PDCD2L: variants seen among roughly 807,000 people sequenced by gnomAD.
PDCD2L encodes the protein uS5 assembly chaperone PDCD2L.
Under a neutral mutation model 40.4 loss-of-function variants are expected in PDCD2L, and 44 were observed. The ratio of observed to expected loss-of-function variants is 1.09; its 90% confidence interval spans 0.86 to 1.40. The LOEUF (loss-of-function observed/expected upper bound fraction) is 1.40, where lower values mean the gene tolerates loss of function less well. Among genes scored for constraint, PDCD2L ranks in the 40% most tolerant of loss-of-function variants. The pLI, the probability that PDCD2L is intolerant of heterozygous loss-of-function variation, is 0.00. For missense variants in PDCD2L, 470 were observed against 453.7 expected, an observed-to-expected ratio of 1.04 and a Z score of -0.33; for synonymous variants, 194 against 174.6, an observed-to-expected ratio of 1.11 and a Z score of -0.88.
chr19:34,407,428 C>G (rs1289554169), intron 3 of PDCD2L, among the ~76,000 whole-genome samples: 2 of 152,134 alleles, frequency 1.3e-5, no homozygotes, highest in African/African-American at 4.8e-5. Flanking sequence ...CGTGAGCCAC[C>G]ACACCTGGCC....
intron 5 of PDCD2L, among the ~76,000 whole-genome samples, chr19:34,419,524 G>A (rs890655859): frequency 1.3e-5 from 2 of 148,236 alleles, no homozygotes; most frequent in African/African-American, 5.0e-5. Context: ...AAAGAGATGG[G>A]TGTCTCACTA....
Position 34,425,976 on chromosome 19 carries a change from G to T in PDCD2L, c.947-14G>T, listed in dbSNP as rs200405700. 6.2e-6 allele frequency: 10 copies of T among 1,608,198 alleles called. No individual in the cohort carries two copies. In the African/African-American group the frequency reaches 1.3e-4, roughly 22 times the overall value. On this transcript the variant is annotated splice_polypyrimidine_tract_variant and intron_variant, in intron 6 of 6. Coordinates refer to ENST00000246535, the MANE Select transcript of PDCD2L (RefSeq NM_032346.2). ...CTCTTTTTGCTGGAAGCCTGAATAT[G>T]TGGTATTTTTCAGGTCTTTCTGTGG...
At chr19:34,420,733 A>G (rs372048666) in intron 5 of PDCD2L, among the ~76,000 whole-genome samples, 24 of 151,800 alleles carry the variant, frequency 1.6e-4, no homozygotes, top group Middle Eastern at 3.4e-3. Flanking sequence ...TCAAGGCTGC[A>G]GTGAGCTGTG....
chr19:34,414,343 T>C (rs890556849), intron 5 of PDCD2L, among the ~76,000 whole-genome samples: 2 of 151,508 alleles, frequency 1.3e-5, no homozygotes, highest in Non-Finnish European at 2.9e-5. Flanking sequence ...GCCCAGCTGA[T>C]TTTTTTGTAT....
At chr19:34,419,990 A>G (rs1034388036) in intron 5 of PDCD2L, among the ~76,000 whole-genome samples, 4 of 151,238 alleles carry the variant, frequency 2.6e-5, no homozygotes, top group Admixed American at 1.3e-4. Context: ...TTTTTGTATT[A>G]TTATTATTAT....
At chr19:34,406,414 C>T (rs2075075905) in intron 3 of PDCD2L, among the ~76,000 whole-genome samples, 1 of 148,500 alleles carries the variant, frequency 6.7e-6, no homozygotes, top group African/African-American at 2.5e-5. Flanking sequence ...GAGACGGAGT[C>T]TTGCTCTGTT....
rs1257734037 is a variant in PDCD2L, at chr19:34,413,036, G to A, written c.687-701G>A. On this transcript the variant is annotated intron_variant, in intron 4 of 6. Transcript: ENST00000246535. Reference sequence around the variant, plus strand: ...ATTACAGGCGTGAGCCCACTGCACTGGCCTGAGAAATTTTTTTTTGAGACG... The same window carrying A: ...ATTACAGGCGTGAGCCCACTGCACTAGCCTGAGAAATTTTTTTTTGAGACG... Among the ~76,000 whole-genome samples the A allele has an allele frequency of 4.8e-5, 7 of 146,514 alleles. No homozygotes were observed. In the East Asian group the frequency reaches 1.0e-3, roughly 22 times the overall value.
rs111852859 is a variant in PDCD2L, at chr19:34,408,337, CT to C, written c.337-813del. ...AATTAGAAAAGTGCTGTTGCTTTTTCTTTTTTTTTTTGAGACCGAGTGTCGC... is the reference window on the plus strand; with the variant it reads ...AATTAGAAAAGTGCTGTTGCTTTTTCTTTTTTTTTTGAGACCGAGTGTCGC... On this transcript the variant is annotated intron_variant, in intron 3 of 6. Transcript: ENST00000246535. 8.7e-3 allele frequency among the ~76,000 whole-genome samples: 1,256 copies of C among 145,158 alleles called. 8 individuals carry two copies. The highest frequency in any genetic ancestry group is 0.029 in the African/African-American group (1,141 of 39,796).
intron 4 of PDCD2L, 112 bp from the exon 5 acceptor site, chr19:34,413,625 C>G (rs2075114132): frequency 1.7e-6 from 1 of 599,524 alleles, no homozygotes; most frequent in East Asian, 3.2e-5. Flanking sequence ...GCGTGAGCCA[C>G]TGCGCCTGCC....
At chr19:34,406,388 A>T (rs1016787659) in intron 3 of PDCD2L, among the ~76,000 whole-genome samples, 10 of 141,450 alleles carry the variant, frequency 7.1e-5, no homozygotes, top group Admixed American at 5.7e-4. Context: ...CAATACTCTT[A>T]TTTTTTTTTT....
Position 34,404,961 on chromosome 19 carries a change from G to A in PDCD2L, c.307G>A (p.Val103Met). Residue 103 changes from valine to methionine, a missense_variant, in exon 3 of 7, where the codon GTG (valine) becomes ATG (methionine). By Grantham distance (21) the Val-to-Met change is conservative (BLOSUM62 1). Transcript: ENST00000246535. ...WKVFRSQCLQ[V>M]PEREAQDAQK... ...GGTGTTCCGCTCCCAGTGCCTGCAGGTGCCAGAGAGAGAGGCGCAGGACGC... is the reference window on the plus strand; with the variant it reads ...GGTGTTCCGCTCCCAGTGCCTGCAGATGCCAGAGAGAGAGGCGCAGGACGC... 6.2e-7 allele frequency: 1 copy of A among 1,614,188 alleles called. No homozygotes were observed.
chr19:34,423,832 T>C (rs184968388), intron 6 of PDCD2L, among the ~76,000 whole-genome samples: 2 of 152,326 alleles, frequency 1.3e-5, no homozygotes, highest in East Asian at 1.9e-4. Flanking sequence ...CTTAGTTCTA[T>C]GTGTAAATGG....
chr19:34,417,957 CTT>C (rs2075133180), intron 5 of PDCD2L, among the ~76,000 whole-genome samples: 1 of 152,168 alleles, frequency 6.6e-6, no homozygotes, highest in African/African-American at 2.4e-5. Flanking sequence ...TATCGTCAGT[CTT>C]TTAAATGTAG....
At chr19:34,415,357 G>A (rs1243731600) in intron 5 of PDCD2L, among the ~76,000 whole-genome samples, 1 of 152,016 alleles carries the variant, frequency 6.6e-6, no homozygotes, top group African/African-American at 2.4e-5. Flanking sequence ...CAAATGATCT[G>A]CCCGCTTCAG....
At chr19:34,418,167 T>G (rs2075134155) in intron 5 of PDCD2L, among the ~76,000 whole-genome samples, 1 of 152,232 alleles carries the variant, frequency 6.6e-6, no homozygotes, top group Non-Finnish European at 1.5e-5. Context: ...CGTATATTTT[T>G]ACAGTGTGCA....
chr19:34,416,310 C>G (rs1184777426), intron 5 of PDCD2L, among the ~76,000 whole-genome samples: 2 of 152,182 alleles, frequency 1.3e-5, no homozygotes, highest in Non-Finnish European at 2.9e-5. Flanking sequence ...GTGGACCCAG[C>G]TGTTGGCTGA....
intron 6 of PDCD2L, among the ~76,000 whole-genome samples, chr19:34,424,952 G>T (rs10853937): frequency 6.6e-6 from 1 of 151,666 alleles, no homozygotes; most frequent in South Asian, 2.1e-4. Context: ...CACCATGTTG[G>T]CCAGGCTGGT....
chr19:34,421,751 A>G, intron 6 of PDCD2L, 84 bp downstream of exon 6: 2 of 1,467,624 alleles, frequency 1.4e-6, no homozygotes, highest in Non-Finnish European at 1.8e-6. Context: ...TACTTATAAA[A>G]TATCATAAGC....
At chr19:34,423,993 A>G (rs1399243198) in intron 6 of PDCD2L, among the ~76,000 whole-genome samples, 1 of 152,072 alleles carries the variant, frequency 6.6e-6, no homozygotes, top group Non-Finnish European at 1.5e-5. Flanking sequence ...GTGGCTTCAT[A>G]TTTGAGGGGC....
Sources: gnomAD v4.1 joint callset for allele counts (sites outside exome capture counted in the v4.1 genomes callset) on GRCh38, gnomAD v4.1.1 for gene constraint, MANE v1.5 for transcripts, NCBI Gene and HGNC (gene_info 2026-07-23, HGNC 2026-07-21) for gene names.